The following TMEM272 variants were observed in gnomAD, a reference collection of about 807,000 sequenced individuals.
TMEM272 encodes the protein transmembrane protein 272, also known as long intergenic non-protein coding RNA 282.
TMEM272 carries 8 observed loss-of-function variants against 3.7 expected under a neutral mutation model. The ratio of observed to expected loss-of-function variants is 2.17; its 90% CI spans 1.27 to 3.91. The LOEUF (loss-of-function observed/expected upper bound fraction) is 3.91. Among genes scored for constraint, TMEM272 ranks in the 30% most tolerant of loss-of-function variants. The probability of loss-of-function intolerance (pLI) is 0.00; values close to 1 mark genes in which losing one functional copy is unlikely to be tolerated. For missense variants in TMEM272, 166 were observed against 91.5 expected (o/e 1.81, Z -3.32); for synonymous variants, 63 against 39.8 (o/e 1.58, Z -2.20).
the TMEM272 span, among the ~76,000 whole-genome samples, chr13:51,914,378 G>C: frequency 6.6e-6 from 1 of 152,264 alleles, no homozygotes; most frequent in Admixed American, 6.5e-5. Flanking sequence ...AGCCAGGCAA[G>C]TAGAGGTCAG....
the TMEM272 span, among the ~76,000 whole-genome samples, chr13:51,860,149 TC>T: frequency 6.6e-6 from 1 of 152,080 alleles, no homozygotes; most frequent in African/African-American, 2.4e-5. Context: ...CCATCCTCCC[TC>T]CTCGGCCTCC....
At chr13:51,865,630 G>C in the TMEM272 span, 1 of 1,614,030 alleles carries the variant, frequency 6.2e-7, no homozygotes, top group South Asian at 1.1e-5. Context: ...GCCAGATCCT[G>C]GGTTTTTGGG....
At chr13:51,871,480 C>T in the TMEM272 span, among the ~76,000 whole-genome samples, 1 of 152,102 alleles carries the variant, frequency 6.6e-6, no homozygotes, top group African/African-American at 2.4e-5. Flanking sequence ...GAATCACTTG[C>T]TCTGGAGGAA....
chr13:51,923,648 AG>A, the TMEM272 span, among the ~76,000 whole-genome samples: 2 of 143,946 alleles, frequency 1.4e-5, no homozygotes, highest in Non-Finnish European at 3.0e-5. Context: ...AAGGGAGGAG[AG>A]AAGGAAGGGA....
chr13:51,816,834 G>A lies in TMEM272; in HGVS notation c.481C>T (p.His161Tyr). 1 of 703,038 alleles carries A rather than the reference G, an allele frequency of 1.4e-6. No homozygotes were observed. The highest frequency in any genetic ancestry group is 2.6e-6 in the Non-Finnish European group (1 of 385,012). 43.5% of individuals were successfully genotyped at this position (703,038 alleles called of 1,614,324 possible). The change falls in exon 5 of 5, where the codon CAC (histidine) becomes TAC (tyrosine). Residue 161 changes from histidine to tyrosine, a missense_variant. Physicochemically the swap from His to Tyr is moderately conservative, Grantham distance 83. Coordinates refer to ENST00000629372, the MANE Select transcript of TMEM272 (RefSeq NM_001351003.2). ...LFAVGVLALS[H>Y]TVLVLLLLCS... ...AGCAGGAGCAAGACCAGCACAGTGTGACTGAGCGCCAGGACTCCGACTGCA... is the reference window on the plus strand; with the variant it reads ...AGCAGGAGCAAGACCAGCACAGTGTAACTGAGCGCCAGGACTCCGACTGCA...
chr13:51,826,453 C>T (rs1472607162), intron 3 of TMEM272, 113 bp downstream of exon 3: 12 of 649,272 alleles, frequency 1.8e-5, no homozygotes, highest in East Asian at 1.4e-4. Context: ...TGGGAATCAT[C>T]GGGCTGGCCA....
chr13:51,847,753 C>T (rs1956313691), upstream of TMEM272, among the ~76,000 whole-genome samples: 1 of 152,114 alleles, frequency 6.6e-6, no homozygotes, highest in Non-Finnish European at 1.5e-5. Flanking sequence ...TAAGCCTGGC[C>T]TGGACGTGGC....
At chr13:51,841,177 G>A (rs1054291899) in intron 1 of TMEM272, among the ~76,000 whole-genome samples, 7 of 152,220 alleles carry the variant, frequency 4.6e-5, no homozygotes, top group African/African-American at 1.4e-4. Context: ...CTAAAGGCCC[G>A]GAAGGTCGGT....
chr13:51,843,158 A>G (rs946996019), intron 1 of TMEM272, among the ~76,000 whole-genome samples: 1 of 152,226 alleles, frequency 6.6e-6, no homozygotes, highest in African/African-American at 2.4e-5. Context: ...TATTTTGCCA[A>G]TTCTTTCTAG....
intron 1 of TMEM272, among the ~76,000 whole-genome samples, chr13:51,839,339 G>C (rs1051515547): frequency 1.3e-5 from 2 of 152,180 alleles, no homozygotes; most frequent in Admixed American, 1.3e-4. Flanking sequence ...GCCCCGTAAA[G>C]ACACTAGGAG....
chr13:51,905,711 G>A, the TMEM272 span, among the ~76,000 whole-genome samples: 1 of 152,182 alleles, frequency 6.6e-6, no homozygotes, highest in South Asian at 2.1e-4. Flanking sequence ...AGGGCCATGC[G>A]ACACTTAAAA....
chr13:51,912,513 G>C, the TMEM272 span, among the ~76,000 whole-genome samples: 3 of 152,154 alleles, frequency 2.0e-5, no homozygotes, highest in African/African-American at 7.2e-5. Flanking sequence ...TACACCCCTT[G>C]GCCACACTTT....
the TMEM272 span, among the ~76,000 whole-genome samples, chr13:51,913,488 C>T: frequency 3.9e-5 from 6 of 152,212 alleles, no homozygotes; most frequent in Non-Finnish European, 5.9e-5. Context: ...GCTTACTGAG[C>T]TCTTCCCTGA....
At chr13:51,827,947 A>G (rs985482783) in intron 2 of TMEM272, among the ~76,000 whole-genome samples, 1 of 152,178 alleles carries the variant, frequency 6.6e-6, no homozygotes, top group African/African-American at 2.4e-5. Flanking sequence ...ACTTCCAGAA[A>G]CAAGGTTTCT....
At chr13:51,923,708 G>A in the TMEM272 span, among the ~76,000 whole-genome samples, 2 of 149,876 alleles carry the variant, frequency 1.3e-5, no homozygotes, top group Non-Finnish European at 3.0e-5. Flanking sequence ...GAAGAAACAA[G>A]AGGGGAGGGG....
At chr13:51,919,205 C>T in the TMEM272 span, among the ~76,000 whole-genome samples, 2 of 152,108 alleles carry the variant, frequency 1.3e-5, no homozygotes, top group African/African-American at 4.8e-5. Flanking sequence ...TAGCTTTAGT[C>T]CTGCCCTCTC....
the TMEM272 span, chr13:51,910,422 C>T: frequency 6.2e-6 from 6 of 967,422 alleles, no homozygotes; most frequent in African/African-American, 1.6e-5. Context: ...AAGCCGACTC[C>T]TAACCGATCT....
the TMEM272 span, among the ~76,000 whole-genome samples, chr13:51,855,252 A>G: frequency 1.3e-5 from 2 of 152,248 alleles, no homozygotes; most frequent in East Asian, 1.9e-4. Flanking sequence ...CTAAAGAAGC[A>G]TATCTCACAA....
chr13:51,903,562 T>C, the TMEM272 span, among the ~76,000 whole-genome samples: 3 of 152,012 alleles, frequency 2.0e-5, no homozygotes, highest in African/African-American at 7.2e-5. Context: ...CCCCCTACTC[T>C]CCCCAGAACA....
Sources: gnomAD v4.1 joint callset for allele counts (sites outside exome capture counted in the v4.1 genomes callset) on GRCh38, gnomAD v4.1.1 for gene constraint, MANE v1.5 for transcripts, NCBI Gene and HGNC (gene_info 2026-07-23, HGNC 2026-07-21) for gene names.